Variants in UBASH3B observed in about 807,000 individuals in gnomAD.
UBASH3B encodes ubiquitin associated and SH3 domain containing B.
UBASH3B carries 37 observed loss-of-function variants against 83.4 expected under a neutral mutation model. The ratio of observed to expected loss-of-function variants is 0.44; its 90% CI spans 0.34 to 0.58. The LOEUF (loss-of-function observed/expected upper bound fraction) is 0.58, where lower values mean the gene tolerates loss of function less well. UBASH3B is among the 20% of genes least tolerant of loss of function. UBASH3B has a pLI of 0.01. For synonymous variants in UBASH3B, 304 were observed against 318.3 expected (o/e 0.96, Z 0.48); for missense variants, 657 against 827.2 (o/e 0.79, Z 2.52).
chr11:122,720,449 A>G (rs1430354361), intron 1 of UBASH3B, among the ~76,000 whole-genome samples: 2 of 152,144 alleles, frequency 1.3e-5, no homozygotes, highest in Non-Finnish European at 2.9e-5. Context: ...TCTTCTCATC[A>G]GAATAGTTGG....
rs1162757868 is a variant in UBASH3B, at chr11:122,794,692, T to TC, written c.981-8dup. 1 of 1,614,058 alleles carries TC rather than the reference T, an allele frequency of 6.2e-7. No individual in the cohort carries two copies. Among genetic ancestry groups the TC allele is most frequent in the Non-Finnish European group, 8.5e-7 (1 of 1,179,974 alleles). On this transcript the variant is annotated splice_polypyrimidine_tract_variant and intron_variant, in intron 6 of 13. Coordinates refer to ENST00000284273, the MANE Select transcript of UBASH3B (RefSeq NM_032873.5). ...AGAGCAGTTAACACCTTCCTTATCT[T>TC]CCTCTGCAGTTCTTATTCAATCTTA...
intron 1 of UBASH3B, among the ~76,000 whole-genome samples, chr11:122,685,501 G>T (rs1002467125): frequency 6.6e-6 from 1 of 152,098 alleles, no homozygotes; most frequent in African/African-American, 2.4e-5. Context: ...ACACATCCTC[G>T]TGATAATGAA....
intron 1 of UBASH3B, among the ~76,000 whole-genome samples, chr11:122,691,364 T>C (rs1863894207): frequency 6.6e-6 from 1 of 152,194 alleles, no homozygotes; most frequent in South Asian, 2.1e-4. Context: ...TCTGGACAAA[T>C]CTTCTGCAGC....
intron 1 of UBASH3B, among the ~76,000 whole-genome samples, chr11:122,756,056 T>C (rs1262254351): frequency 1.3e-5 from 2 of 148,362 alleles, no homozygotes; most frequent in Non-Finnish European, 3.0e-5. Flanking sequence ...AAGGAATCCA[T>C]CCCGATTTAG....
chr11:122,738,412 G>A (rs1860969757), intron 1 of UBASH3B, among the ~76,000 whole-genome samples: 1 of 152,196 alleles, frequency 6.6e-6, no homozygotes, highest in African/African-American at 2.4e-5. Flanking sequence ...CAGTTCCAGG[G>A]AGGAAGAGAT....
intron 1 of UBASH3B, among the ~76,000 whole-genome samples, chr11:122,752,428 A>G (rs1487394870): frequency 6.6e-6 from 1 of 152,256 alleles, no homozygotes; most frequent in African/African-American, 2.4e-5. Context: ...TCAAGGGACC[A>G]GGTGCAATTT....
intron 1 of UBASH3B, among the ~76,000 whole-genome samples, chr11:122,667,350 C>A (rs1393768418): frequency 6.6e-6 from 1 of 152,134 alleles, no homozygotes; most frequent in Non-Finnish European, 1.5e-5. Flanking sequence ...CCAGTCCATT[C>A]TTTCTCTCTC....
intron 1 of UBASH3B, among the ~76,000 whole-genome samples, chr11:122,682,239 CTG>C: frequency 6.6e-6 from 1 of 152,292 alleles, no homozygotes; most frequent in Admixed American, 6.5e-5. Flanking sequence ...TAGTAGTTGA[CTG>C]TGTGGATGGT....
In UBASH3B at chr11:122,655,819, G is replaced by A; in HGVS notation, c.-231G>A. On this transcript the variant is annotated 5_prime_UTR_variant, in exon 1 of 14. Transcript: ENST00000284273. ...GCTGGGGGCAGCCGGGGGCCCGAGTGGCTGAGGCTGGTCCCGCAGCGGCCG... is the reference window on the plus strand; with the variant it reads ...GCTGGGGGCAGCCGGGGGCCCGAGTAGCTGAGGCTGGTCCCGCAGCGGCCG... 2.1e-6 allele frequency: 1 copy of A among 475,286 alleles called. No individual in the cohort carries two copies. Among genetic ancestry groups the A allele is most frequent in the Non-Finnish European group, 3.7e-6 (1 of 272,282 alleles). The allele number at this position is 475,286 out of a possible 1,614,324, so 29.4% of individuals were successfully genotyped here.
intron 1 of UBASH3B, among the ~76,000 whole-genome samples, chr11:122,770,924 T>C (rs1860630959): frequency 6.6e-6 from 1 of 152,188 alleles, no homozygotes; most frequent in Admixed American, 6.5e-5. Flanking sequence ...AGCTTATCTC[T>C]CTGAAATGTA....
At chr11:122,729,004 T>G (rs1174242834) in intron 1 of UBASH3B, among the ~76,000 whole-genome samples, 1 of 72,432 alleles carries the variant, frequency 1.4e-5, no homozygotes, top group African/African-American at 3.3e-5. Context: ...TGCTTTCGGC[T>G]CTATCACCCC....
chr11:122,692,405 C>G (rs1863907449), intron 1 of UBASH3B, among the ~76,000 whole-genome samples: 1 of 152,176 alleles, frequency 6.6e-6, no homozygotes, highest in African/African-American at 2.4e-5. Flanking sequence ...GCCAACCACT[C>G]TCTAAACCTT....
chr11:122,658,900 T>G (rs920311178), intron 1 of UBASH3B, among the ~76,000 whole-genome samples: 1 of 152,290 alleles, frequency 6.6e-6, no homozygotes, highest in Non-Finnish European at 1.5e-5. Flanking sequence ...GACCAGGAGT[T>G]GAAAATCAGT....
intron 1 of UBASH3B, among the ~76,000 whole-genome samples, chr11:122,761,104 A>G (rs1033395813): frequency 6.6e-6 from 1 of 152,174 alleles, no homozygotes; most frequent in Non-Finnish European, 1.5e-5. Context: ...AATCTTCACG[A>G]GAGTGTCAGT....
intron 1 of UBASH3B, among the ~76,000 whole-genome samples, chr11:122,691,932 A>T (rs112906110): frequency 0.011 from 1,609 of 152,254 alleles, 27 homozygotes; most frequent in African/African-American, 0.035. Context: ...TCTGCCCAGG[A>T]TCTGGCTTCT....
At chr11:122,705,146 C>A (rs1033942208) in intron 1 of UBASH3B, among the ~76,000 whole-genome samples, 2 of 152,118 alleles carry the variant, frequency 1.3e-5, no homozygotes, top group Non-Finnish European at 2.9e-5. Context: ...TTTGAGGTTG[C>A]AGCTAAATCT....
intron 1 of UBASH3B, among the ~76,000 whole-genome samples, chr11:122,683,730 A>C (rs1335836301): frequency 1.5e-5 from 2 of 136,504 alleles, no homozygotes; most frequent in Non-Finnish European, 3.1e-5. Context: ...ATTGCCTTAT[A>C]ATTAAAAAAA....
intron 5 of UBASH3B, among the ~76,000 whole-genome samples, chr11:122,787,189 T>C (rs899137928): frequency 6.6e-6 from 1 of 152,208 alleles, no homozygotes; most frequent in African/African-American, 2.4e-5. Flanking sequence ...AAAAAAAGAA[T>C]GTTCCTTTTC....
At chr11:122,701,128 T>G (rs1027538658) in intron 1 of UBASH3B, among the ~76,000 whole-genome samples, 1 of 152,246 alleles carries the variant, frequency 6.6e-6, no homozygotes, top group Non-Finnish European at 1.5e-5. Context: ...GTGATTTGTG[T>G]GATTCTGCTC....
Sources: allele counts gnomAD v4.1 joint callset (sites outside exome capture counted in the v4.1 genomes callset), GRCh38; gene constraint gnomAD v4.1.1; transcripts MANE v1.5; gene names NCBI Gene and HGNC (gene_info 2026-07-23, HGNC 2026-07-21).